PDE4D: variants seen among roughly 807,000 people sequenced by gnomAD.
PDE4D encodes phosphodiesterase 4D.
A neutral mutation model predicts 87.4 loss-of-function variants in PDE4D; 24 were observed. That is an observed-to-expected ratio of 0.27 (90% CI 0.20 to 0.39). The LOEUF (loss-of-function observed/expected upper bound fraction) is 0.39, where lower values mean the gene tolerates loss of function less well. PDE4D is among the 10% of genes least tolerant of loss of function. PDE4D has a pLI of 1.00. For synonymous variants in PDE4D, 384 were observed against 383.2 expected (o/e 1.00, Z -0.02); for missense variants, 714 against 1,041.0 (o/e 0.69, Z 4.32).
At chr5:60,350,185 C>A (rs1203679182) in intron 1 of PDE4D, among the ~76,000 whole-genome samples, 2 of 152,160 alleles carry the variant, frequency 1.3e-5, no homozygotes, top group African/African-American at 2.4e-5. Context: ...CCCATAGTTA[C>A]ATCCTGGTGT....
chr5:59,181,765 A>G (rs1269179702), intron 4 of PDE4D, among the ~76,000 whole-genome samples: 1 of 152,110 alleles, frequency 6.6e-6, no homozygotes, highest in African/African-American at 2.4e-5. Flanking sequence ...GAGAATTTGA[A>G]GAACTTGTTT....
intron 1 of PDE4D, among the ~76,000 whole-genome samples, chr5:59,309,529 C>G (rs1320533374): frequency 6.6e-6 from 1 of 152,164 alleles, no homozygotes; most frequent in Non-Finnish European, 1.5e-5. Context: ...AGACCTTCAG[C>G]TTCTCCAGTG....
chr5:59,854,199 G>A (rs879712629), intron 1 of PDE4D, among the ~76,000 whole-genome samples: 3 of 152,040 alleles, frequency 2.0e-5, no homozygotes, highest in Non-Finnish European at 2.9e-5. Context: ...AGAGAAATCT[G>A]ATAGACTGGA....
chr5:59,973,166 A>G (rs1222856067), intron 3 of PDE4D, among the ~76,000 whole-genome samples: 2 of 152,216 alleles, frequency 1.3e-5, no homozygotes, highest in Non-Finnish European at 2.9e-5. Context: ...GACACAATAG[A>G]TGAATTTGTA....
At chr5:59,371,786 G>T (rs899863234) in intron 1 of PDE4D, among the ~76,000 whole-genome samples, 1 of 152,174 alleles carries the variant, frequency 6.6e-6, no homozygotes, top group Non-Finnish European at 1.5e-5. Context: ...GAATAAACAC[G>T]TCAAAGGCAT....
intron 1 of PDE4D, among the ~76,000 whole-genome samples, chr5:59,525,806 G>A (rs1016379632): frequency 2.0e-5 from 3 of 152,106 alleles, no homozygotes; most frequent in African/African-American, 7.2e-5. Flanking sequence ...AGTTCTATAA[G>A]GGGCTTTTTC....
intron 1 of PDE4D, among the ~76,000 whole-genome samples, chr5:60,275,491 A>G (rs190418280): frequency 6.6e-6 from 1 of 152,284 alleles, no homozygotes; most frequent in African/African-American, 2.4e-5. Context: ...CCATTATCTT[A>G]ATCATTACAG....
intron 1 of PDE4D, chr5:60,188,494 C>G (rs1311707303): frequency 2.0e-5 from 3 of 152,066 alleles, no homozygotes; most frequent in African/African-American, 7.3e-5. Flanking sequence ...GGACTCCCCA[C>G]TAACCAAATG....
chr5:60,179,500 T>C (rs920457059), intron 2 of PDE4D, among the ~76,000 whole-genome samples: 6 of 152,116 alleles, frequency 3.9e-5, no homozygotes, highest in African/African-American at 1.4e-4. Context: ...GTTTGCTTTA[T>C]TTTTTAATGT....
chr5:59,353,416 G>T (rs1170458201), intron 1 of PDE4D, among the ~76,000 whole-genome samples: 1 of 148,940 alleles, frequency 6.7e-6, no homozygotes, highest in Admixed American at 6.7e-5. Flanking sequence ...TCTCCACATT[G>T]TTTTCTTGAG....
At chr5:59,378,622 T>A (rs1785157443) in intron 1 of PDE4D, among the ~76,000 whole-genome samples, 1 of 152,194 alleles carries the variant, frequency 6.6e-6, no homozygotes, top group African/African-American at 2.4e-5. Context: ...CTTTTAGGTA[T>A]GTTTGTACAA....
chr5:59,398,196 T>C (rs1461374106), intron 1 of PDE4D, among the ~76,000 whole-genome samples: 1 of 132,038 alleles, frequency 7.6e-6, no homozygotes, highest in African/African-American at 3.0e-5. Flanking sequence ...TTCCAATCAA[T>C]AGAAAAAGAG....
At chr5:59,337,330 C>CCCG (rs375190519) in intron 1 of PDE4D, among the ~76,000 whole-genome samples, 6,128 of 141,644 alleles carry the variant, frequency 0.043, 243 homozygotes, top group South Asian at 0.13. Flanking sequence ...AGTTCCCCCC[C>CCCG]CCCCACCTTT....
At chr5:59,685,602 A>G (rs1749723263) in intron 1 of PDE4D, among the ~76,000 whole-genome samples, 1 of 152,214 alleles carries the variant, frequency 6.6e-6, no homozygotes, top group Admixed American at 6.5e-5. Context: ...GATTTCTAAT[A>G]GGAAGCAAAC....
intron 1 of PDE4D, among the ~76,000 whole-genome samples, chr5:59,355,904 T>C (rs1044448828): frequency 4.6e-5 from 7 of 152,180 alleles, no homozygotes; most frequent in Non-Finnish European, 7.4e-5. Context: ...TATTTCTACA[T>C]AGGCTTGGCA....
chr5:59,002,413 A>G (rs1474649621), intron 6 of PDE4D, among the ~76,000 whole-genome samples: 1 of 152,124 alleles, frequency 6.6e-6, no homozygotes, highest in African/African-American at 2.4e-5. Flanking sequence ...TGCTGAGGCT[A>G]AGTCATAAGA....
At chr5:60,496,634 G>A (rs1749826909) in intron 1 of PDE4D, among the ~76,000 whole-genome samples, 1 of 152,106 alleles carries the variant, frequency 6.6e-6, no homozygotes, top group Non-Finnish European at 1.5e-5. Flanking sequence ...TTTTTACTAG[G>A]TGCTTGACAT....
At chr5:60,014,090 T>TCAAA (rs1561980234) in intron 2 of PDE4D, among the ~76,000 whole-genome samples, 7 of 120,812 alleles carry the variant, frequency 5.8e-5, no homozygotes, top group African/African-American at 2.4e-4. Context: ...AGACTCCACC[T>TCAAA]TAAAAAAAAA....
intron 1 of PDE4D, among the ~76,000 whole-genome samples, chr5:59,644,039 C>G (rs1443658279): frequency 1.3e-5 from 2 of 152,134 alleles, no homozygotes; most frequent in Admixed American, 6.5e-5. Flanking sequence ...TTAGAACAAG[C>G]CTTGGTTTAG....
Sources: gnomAD v4.1 joint callset for allele counts (sites outside exome capture counted in the v4.1 genomes callset) on GRCh38, gnomAD v4.1.1 for gene constraint, MANE v1.5 for transcripts, NCBI Gene and HGNC (gene_info 2026-07-23, HGNC 2026-07-21) for gene names.